The following MYO7B variants were observed in gnomAD, a reference collection of about 807,000 sequenced individuals.
MYO7B encodes myosin VIIB.
In MYO7B, 212 loss-of-function variants were observed where a neutral mutation model predicts 259.7. That is an observed-to-expected ratio of 0.82 (90% CI 0.73 to 0.91). MYO7B has a LOEUF of 0.91. MYO7B is among the 40% of genes least tolerant of loss of function. The pLI is 0.00. For synonymous variants in MYO7B, 1,197 were observed against 1,166.4 expected (o/e 1.03, Z -0.54); for missense variants, 2,732 against 2,813.5 (o/e 0.97, Z 0.66).
Position 127,607,208 on chromosome 2 carries a change from C to T in MYO7B, c.2427C>T (p.Ile809=), listed in dbSNP as rs947912053. ...TCACCTCTCTCTTGCCTCCGCAGAT[C>T]CTCGTGGGCTTTGAGCGCCTGCAGG... is the stretch of plus-strand genomic sequence containing the variant. The part of the protein sequence containing the change: ...GYCNRRNFKL[I]LVGFERLQAI... Residue 809 remains isoleucine, a splice_region_variant and synonymous_variant, in exon 21 of 48, where the codon ATC becomes ATT. Transcript: ENST00000409816. The surrounding 1 kb of genome is among the most constrained non-coding windows in gnomAD (Gnocchi z 4.4). 7.8e-6 allele frequency: 12 copies of T among 1,547,108 alleles called. No individual in the cohort carries two copies. Among genetic ancestry groups the T allele is most frequent in the Admixed American group, 2.0e-5 (1 of 50,876 alleles).
At position 127,590,742 on chromosome 2, in the gene MYO7B, G is replaced by T. The variant is rs1416888135; in HGVS notation, c.1992+513G>T. 6.6e-6 allele frequency among the ~76,000 whole-genome samples: 1 copy of T among 152,216 alleles called. No homozygotes were observed. The highest frequency in any genetic ancestry group is 1.5e-5 in the Non-Finnish European group (1 of 68,030). Reference sequence around the variant, plus strand: ...ACTCCCTGCCCACAACGGAGTCCCTGCTCCATTGGGTGGGGAGTCCCACCC... The same window carrying T: ...ACTCCCTGCCCACAACGGAGTCCCTTCTCCATTGGGTGGGGAGTCCCACCC... On this transcript the variant is annotated intron_variant, in intron 16 of 47. Coordinates refer to ENST00000409816, the MANE Select transcript of MYO7B (RefSeq NM_001393586.1). This position sits in a 1 kb window ranked among gnomAD's most constrained non-coding sequence, Gnocchi z 4.6.
rs769198730 is a variant in MYO7B, at chr2:127,584,889, G to A, written c.1666G>A (p.Gly556Ser). 5.6e-6 allele frequency: 9 copies of A among 1,613,898 alleles called. No homozygotes were observed. Among genetic ancestry groups the A allele is most frequent in the East Asian group, 2.2e-5 (1 of 44,862 alleles). Reference protein sequence around the residue: ...DARFGIAHFAGEVYYQAEGFL... With the variant: ...DARFGIAHFASEVYYQAEGFL... ...CAGATTTGGCATTGCCCATTTTGCC[G>A]GCGAGGTGTACTACCAAGCAGAAGG... Residue 556 changes from glycine (G) to serine (S), a missense_variant, in exon 14 of 48, where the codon GGC (glycine) becomes AGC (serine). Around this residue, in one of 3 missense-constraint regions of MYO7B, gnomAD observed 1,906 missense variants for 2,026.4 expected, o/e 0.94. Transcript: ENST00000409816. This position sits in a 1 kb window ranked among gnomAD's most constrained non-coding sequence, Gnocchi z 5.8.
intron 1 of MYO7B, among the ~76,000 whole-genome samples, chr2:127,555,449 T>C (rs1013118850): frequency 1.3e-5 from 2 of 152,212 alleles, no homozygotes; most frequent in African/African-American, 4.8e-5. Flanking sequence ...ATTTGGTTTG[T>C]TCTTGTTTCT....
chr2:127,574,112 TCCAAGAGGGG>T, intron 7 of MYO7B, 50 bp downstream of exon 7: 1 of 1,607,400 alleles, frequency 6.2e-7, no homozygotes, highest in Middle Eastern at 1.9e-4. Context: ...GGGGGAGGTT[TCCAAGAGGGG>T]CCCCTTTCCC....
In MYO7B at chr2:127,624,100, C is replaced by A; in HGVS notation, c.3827C>A (p.Ser1276Tyr). 1 of 1,566,124 alleles carries A rather than the reference C, an allele frequency of 6.4e-7. No individual in the cohort carries two copies. Among genetic ancestry groups the A allele is most frequent in the East Asian group, 2.4e-5 (1 of 41,988 alleles). Residue 1276 changes from serine to tyrosine, a missense_variant, in exon 30 of 48, where the codon TCC becomes TAC. Ser to Tyr is a moderately radical substitution (Grantham distance 144). Coordinates refer to ENST00000409816, the MANE Select transcript of MYO7B (RefSeq NM_001393586.1). The part of the protein sequence containing the change: ...LQVAVYDKFW[S>Y]LGSGRDHMMD... ...CCCCGACTCTGGCCTCAGTTCTGGT[C>A]CCTGGGCAGCGGGCGCGACCACATG...
In MYO7B at chr2:127,564,173, G is replaced by A. The variant is rs1472616349; in HGVS notation, c.39G>A (p.Glu13=). 1.3e-6 allele frequency: 2 copies of A among 1,568,696 alleles called. No individual in the cohort carries two copies. Among genetic ancestry groups the A allele is most frequent in the South Asian group, 2.4e-5 (2 of 84,934 alleles). Reference sequence around the variant, plus strand: ...TCCAGGGTGACCACGTGTGGCTGGAGCCTCCCTCCACCCACAAGACCGGCG... The same window carrying A: ...TCCAGGGTGACCACGTGTGGCTGGAACCTCCCTCCACCCACAAGACCGGCG... ...GFRLGDHVWL[E]PPSTHKTGVA... The change falls in exon 3 of 48, where the codon GAG becomes GAA. Residue 13 remains glutamate, a synonymous_variant. Transcript: ENST00000409816.
chr2:127,567,245 A>C (rs895408070), intron 5 of MYO7B, among the ~76,000 whole-genome samples: 1 of 152,176 alleles, frequency 6.6e-6, no homozygotes, highest in Non-Finnish European at 1.5e-5. Flanking sequence ...CTCTGTAAAA[A>C]TAAAAAAAGA....
intron 26 of MYO7B, among the ~76,000 whole-genome samples, chr2:127,619,031 GCTGA>G (rs1301467903): frequency 1.3e-5 from 2 of 149,222 alleles, no homozygotes; most frequent in East Asian, 2.0e-4. Flanking sequence ...GTGGGGGCTG[GCTGA>G]ATGGTGGGCG....
intron 6 of MYO7B, among the ~76,000 whole-genome samples, chr2:127,573,614 G>C (rs748862243): frequency 1.8e-4 from 27 of 152,172 alleles, no homozygotes; most frequent in Non-Finnish European, 3.5e-4. Context: ...AAGGCTCTGT[G>C]CCACCTGGCC....
In MYO7B at chr2:127,576,781, C is replaced by T. The variant is rs112971793; in HGVS notation, c.849+73C>T. On this transcript the variant is annotated intron_variant, in intron 8 of 47. Transcript: ENST00000409816. The surrounding 1 kb of genome is among the most constrained non-coding windows in gnomAD (Gnocchi z 4.9). ...AAAGAGCTTGTGCCGCTCCACCCTC[C>T]GCGACAGCTGCAGAGAAGCCCAACG... The T allele has an allele frequency of 5.2e-5, 58 of 1,123,684 alleles. No individual in the cohort carries two copies. Among genetic ancestry groups the T allele is most frequent in the Admixed American group, 1.3e-4 (6 of 47,158 alleles). 69.6% of individuals were successfully genotyped at this position (1,123,684 alleles called of 1,614,324 possible). A position where few individuals can be genotyped will look rare whatever the true frequency, so the allele number is the denominator to read the frequency against.
chr2:127,536,513 C>T (rs928419660), intron 1 of MYO7B, among the ~76,000 whole-genome samples: 5 of 151,612 alleles, frequency 3.3e-5, no homozygotes, highest in Admixed American at 2.0e-4. Context: ...GGGACCGCAC[C>T]GGGGCTCACA....
chr2:127,635,235 C>T lies in MYO7B; in HGVS notation c.5820+9C>T. On this transcript the variant is annotated intron_variant, in intron 43 of 47. Transcript: ENST00000409816. The stretch of plus-strand genomic sequence containing the variant: ...TACTCCATTACCACCAGGTACCGGG[C>T]AGGCTGCCCTGGTGGGCACTGGGGC... 3 of 1,608,944 alleles carry T rather than the reference C, an allele frequency of 1.9e-6. No individual in the cohort carries two copies. The highest frequency in any genetic ancestry group is 4.5e-5 in the East Asian group (2 of 44,774).
intron 1 of MYO7B, among the ~76,000 whole-genome samples, chr2:127,547,001 C>T (rs1693257018): frequency 6.6e-6 from 1 of 152,082 alleles, no homozygotes; most frequent in Admixed American, 6.6e-5. Flanking sequence ...TCAGTGGATC[C>T]ATCCATCCAC....
In MYO7B at chr2:127,580,835, T is replaced by G; in HGVS notation, c.1080+13T>G. The G allele has an allele frequency of 1.2e-6, 2 of 1,609,958 alleles. No homozygotes were observed. Among genetic ancestry groups the G allele is most frequent in the Non-Finnish European group, 1.7e-6 (2 of 1,178,068 alleles). On this transcript the variant is annotated intron_variant, in intron 10 of 47. Coordinates refer to ENST00000409816, the MANE Select transcript of MYO7B (RefSeq NM_001393586.1). The stretch of plus-strand genomic sequence containing the variant: ...GAAGTTACTGGAGGTAGGGGTGCTG[T>G]GCCCACAGCTTCCATTTTGGTGGGG...
rs751210108 is a variant in MYO7B at position 127,627,636 on chromosome 2, C to G, written c.4460+326C>G. The G allele has an allele frequency of 4.2e-6, 2 of 481,746 alleles. No homozygotes were observed. The highest frequency in any genetic ancestry group is 2.3e-5 in the Admixed American group (1 of 43,194). The allele number at this position is 481,746 out of a possible 1,614,324, so 29.8% of individuals were successfully genotyped here. On this transcript the variant is annotated intron_variant, in intron 33 of 47. Coordinates refer to ENST00000409816, the MANE Select transcript of MYO7B (RefSeq NM_001393586.1). This position sits in a 1 kb window ranked among gnomAD's most constrained non-coding sequence, Gnocchi z 5.6. ...AGAAGGCTCCTTTCTTTGTCATGGA[C>G]GAGAACTGGTGGCCTGGAGGGTACA...
intron 19 of MYO7B, among the ~76,000 whole-genome samples, chr2:127,600,703 T>A (rs1468191443): frequency 6.6e-6 from 1 of 152,198 alleles, no homozygotes; most frequent in Non-Finnish European, 1.5e-5. Context: ...AGAGTAAGAC[T>A]CTGTCTCAAA....
chr2:127,555,014 T>G (rs1693587134), intron 1 of MYO7B, among the ~76,000 whole-genome samples: 1 of 151,714 alleles, frequency 6.6e-6, no homozygotes, highest in African/African-American at 2.4e-5. Flanking sequence ...AGTGGCATGA[T>G]CTCAGCTCAC....
chr2:127,608,800 G>C lies in MYO7B; in HGVS notation c.2736G>C (p.Thr912=). ...RRSIYDTVTD[T]EMVEKVFGFL... is the part of the protein sequence containing the mutation. The stretch of plus-strand genomic sequence containing the variant: ...CCATCTACGACACCGTCACTGACAC[G>C]GAGATGGTGGAGAAGGTGTTCGGCT... The change falls in exon 22 of 48, where the codon ACG becomes ACC. Residue 912 remains threonine (T), a synonymous_variant. Transcript: ENST00000409816. The C allele has an allele frequency of 6.2e-7, 1 of 1,613,552 alleles. No individual in the cohort carries two copies.
chr2:127,622,972 C>T (rs1019867635), intron 28 of MYO7B, among the ~76,000 whole-genome samples: 1 of 152,230 alleles, frequency 6.6e-6, no homozygotes, highest in Admixed American at 6.5e-5. Context: ...CTGTGGCTAA[C>T]ATTGCTCTTG....
Sources: allele counts gnomAD v4.1 joint callset (sites outside exome capture counted in the v4.1 genomes callset), GRCh38; gene constraint gnomAD v4.1.1; regional missense constraint gnomAD v4.1.1; non-coding constraint Gnocchi (gnomAD v3.1); transcripts MANE v1.5; gene names NCBI Gene and HGNC (gene_info 2026-07-23, HGNC 2026-07-21).